Variants in BCL2L11 observed in about 807,000 individuals in gnomAD.
The protein encoded by BCL2L11 is bcl-2-like protein 11.
A neutral mutation model predicts 20.6 loss-of-function variants in BCL2L11; 15 were observed. The ratio of observed to expected loss-of-function variants is 0.73; its 90% CI spans 0.49 to 1.12. The LOEUF (loss-of-function observed/expected upper bound fraction) is 1.12, where lower values mean the gene tolerates loss of function less well. Among genes scored for constraint, BCL2L11 ranks in the 50% most tolerant of loss-of-function variants. BCL2L11 has a pLI of 0.00. For synonymous variants in BCL2L11, 108 were observed against 92.8 expected (o/e 1.16, Z -0.94); for missense variants, 292 against 260.9 (o/e 1.12, Z -0.82).
At chr2:111,122,262 C>A (rs1431298063) in intron 1 of BCL2L11, among the ~76,000 whole-genome samples, 1 of 152,204 alleles carries the variant, frequency 6.6e-6, no homozygotes, top group African/African-American at 2.4e-5. Flanking sequence ...TGGGGATGGC[C>A]CTGCGGGTCC....
intron 3 of BCL2L11, chr2:111,153,766 T>C: frequency 6.4e-7 from 1 of 1,552,252 alleles, no homozygotes; most frequent in Non-Finnish European, 8.7e-7. Context: ...CAGGATATTT[T>C]CCCGTTTTTC....
chr2:111,131,362 CCTTT>C (rs1205261081), intron 2 of BCL2L11: 1 of 151,736 alleles, frequency 6.6e-6, no homozygotes, highest in Non-Finnish European at 1.5e-5. Context: ...AGAATTGGTC[CCTTT>C]CTTCTAAGTT....
At chr2:111,135,611 T>C (rs1036199451) in intron 2 of BCL2L11, among the ~76,000 whole-genome samples, 7 of 151,988 alleles carry the variant, frequency 4.6e-5, no homozygotes, top group Admixed American at 3.9e-4. Flanking sequence ...TCTTTGATGC[T>C]AGATGGGAGA....
intron 3 of BCL2L11, chr2:111,153,888 A>G (rs2077517971): frequency 6.5e-7 from 1 of 1,548,584 alleles, no homozygotes; most frequent in Non-Finnish European, 8.7e-7. Flanking sequence ...TTGAAGGAGG[A>G]GGTGAGAGAG....
rs2070772170 is a variant in BCL2L11 at position 111,120,988 on chromosome 2, C to CGCCGCCGCT, written c.-206_-205insTGCCGCCGC. ...CCAGCGCCGCTGCCGCTGCCGCCGC[C>CGCCGCCGCT]GCCGCCGCCGCCGCCGCCGCCGCCG... is the stretch of plus-strand genomic sequence containing the variant. On this transcript the variant is annotated 5_prime_UTR_variant, in exon 1 of 4. Coordinates refer to ENST00000393256, the MANE Select transcript of BCL2L11 (RefSeq NM_138621.5). 1 of 327,542 alleles carries CGCCGCCGCT rather than the reference C, an allele frequency of 3.1e-6. No homozygotes were observed. Among genetic ancestry groups the CGCCGCCGCT allele is most frequent in the African/African-American group, 2.5e-5 (1 of 40,474 alleles). The allele number at this position is 327,542 out of a possible 1,614,324, so 20.3% of individuals were successfully genotyped here.
intron 3 of BCL2L11, 191 bp downstream of exon 3, chr2:111,150,338 A>G (rs2077099111): frequency 8.4e-7 from 1 of 1,191,060 alleles, no homozygotes; most frequent in Non-Finnish European, 1.1e-6. Flanking sequence ...TGGCACTTAA[A>G]TAAAATAATA....
intron 2 of BCL2L11, among the ~76,000 whole-genome samples, chr2:111,124,668 C>T (rs976814542): frequency 6.6e-6 from 1 of 152,166 alleles, no homozygotes; most frequent in South Asian, 2.1e-4. Context: ...TCAGGTCTGT[C>T]TTCATTAAGC....
intron 3 of BCL2L11, among the ~76,000 whole-genome samples, chr2:111,157,058 G>A (rs1442444665): frequency 1.3e-5 from 2 of 152,198 alleles, no homozygotes; most frequent in African/African-American, 4.8e-5. Flanking sequence ...AGGCACTGGT[G>A]TGTGTTTAAA....
chr2:111,144,409 C>CA, intron 2 of BCL2L11: 1 of 1,457,816 alleles, frequency 6.9e-7, no homozygotes, highest in Non-Finnish European at 9.4e-7. Flanking sequence ...TGAGAACCGT[C>CA]AGAGTTGAGG....
At chr2:111,145,039 A>T (rs1575093683) in intron 2 of BCL2L11, among the ~76,000 whole-genome samples, 1 of 152,304 alleles carries the variant, frequency 6.6e-6, no homozygotes, top group Non-Finnish European at 1.5e-5. Context: ...AGCTTAATTC[A>T]CGCTGATGAC....
At position 111,140,336 on chromosome 2, in the gene BCL2L11, T is replaced by C. The variant is rs567596885; in HGVS notation, c.395-9708T>C. Among the ~76,000 whole-genome samples, 35 of 152,310 alleles carry C rather than the reference T, an allele frequency of 2.3e-4. No homozygotes were observed. The South Asian group carries it at 6.2e-3, about 27-fold the overall frequency. On this transcript the variant is annotated intron_variant, in intron 2 of 3. Coordinates refer to ENST00000393256, the MANE Select transcript of BCL2L11 (RefSeq NM_138621.5). ...ACGTTCAATATAAGGATTTCAGCTA[T>C]TTGAAATACCTTGGGGCCTTTTCCC... is the stretch of plus-strand genomic sequence containing the variant.
chr2:111,134,474 A>G (rs1281347825), intron 2 of BCL2L11, among the ~76,000 whole-genome samples: 2 of 152,106 alleles, frequency 1.3e-5, no homozygotes, highest in Non-Finnish European at 1.5e-5. Flanking sequence ...CCATTTTTCC[A>G]ATATAATTGT....
intron 3 of BCL2L11, among the ~76,000 whole-genome samples, chr2:111,160,102 G>T (rs1464498458): frequency 6.6e-6 from 1 of 152,198 alleles, no homozygotes; most frequent in Non-Finnish European, 1.5e-5. Flanking sequence ...TTACTGAACT[G>T]CTGGCCCCTT....
intron 2 of BCL2L11, among the ~76,000 whole-genome samples, chr2:111,135,078 T>C (rs1441194025): frequency 1.3e-5 from 2 of 151,818 alleles, no homozygotes; most frequent in African/African-American, 2.4e-5. Flanking sequence ...CATTATGTCT[T>C]TAAATACTTT....
rs761562736 is a variant in BCL2L11 at position 111,153,738 on chromosome 2, G to A, written c.498+3591G>A. 7 of 1,551,564 alleles carry A rather than the reference G, an allele frequency of 4.5e-6. No homozygotes were observed. The African/African-American group carries it at 5.5e-5, about 12-fold the overall frequency. Reference sequence around the variant, plus strand: ...TAAAGTGTTAGTCTTTTATTGCCACGAGCCTTGCAAAGCCTGACAGGATAT... The same window carrying A: ...TAAAGTGTTAGTCTTTTATTGCCACAAGCCTTGCAAAGCCTGACAGGATAT... On this transcript the variant is annotated intron_variant, in intron 3 of 3. Coordinates refer to ENST00000393256, the MANE Select transcript of BCL2L11 (RefSeq NM_138621.5).
At chr2:111,127,079 T>TA (rs1343217882) in intron 2 of BCL2L11, among the ~76,000 whole-genome samples, 2 of 152,194 alleles carry the variant, frequency 1.3e-5, no homozygotes, top group African/African-American at 2.4e-5. Context: ...GGGCAACAGA[T>TA]ACAGTTTTTT....
chr2:111,141,662 A>G (rs1345542688), intron 2 of BCL2L11, among the ~76,000 whole-genome samples: 5 of 151,372 alleles, frequency 3.3e-5, no homozygotes, highest in African/African-American at 1.2e-4. Context: ...CTTAAAGTAT[A>G]TAAAAAATAA....
rs116301118 is a variant in BCL2L11, at chr2:111,121,703, C to G, written c.-14+515C>G. On this transcript the variant is annotated intron_variant, in intron 1 of 3. Coordinates refer to ENST00000393256, the MANE Select transcript of BCL2L11 (RefSeq NM_138621.5). ...TGGTGATTTAACTGACGAGACACGG[C>G]TTTTCCTTTTACTCATTCAGGCCAA... 8.5e-3 allele frequency among the ~76,000 whole-genome samples: 1,289 copies of G among 152,332 alleles called. 16 individuals are homozygous for G. Among genetic ancestry groups the G allele is most frequent in the African/African-American group, 0.029 (1,216 of 41,580 alleles).
Position 111,124,126 on chromosome 2 carries a change from T to C in BCL2L11, c.381T>C (p.Tyr127=). 4 of 1,610,478 alleles carry C rather than the reference T, an allele frequency of 2.5e-6. No homozygotes were observed. Among genetic ancestry groups the C allele is most frequent in the Non-Finnish European group, 2.5e-6 (3 of 1,178,406 alleles). ...PSPPCQAFNH[Y]LSAMASMRQA... The stretch of plus-strand genomic sequence containing the variant: ...CTCCTTGCCAGGCCTTCAACCACTA[T>C]CTCAGTGCAATGGGTAAGCAATGCC... Residue 127 remains tyrosine (Y), a synonymous_variant, in exon 2 of 4, where the codon TAT becomes TAC. Coordinates refer to ENST00000393256, the MANE Select transcript of BCL2L11 (RefSeq NM_138621.5).
Sources: gnomAD v4.1 joint callset for allele counts (sites outside exome capture counted in the v4.1 genomes callset) on GRCh38, gnomAD v4.1.1 for gene constraint, MANE v1.5 for transcripts, NCBI Gene and HGNC (gene_info 2026-07-23, HGNC 2026-07-21) for gene names.